Variants in SPDEF observed in about 807,000 individuals in gnomAD.
SPDEF encodes SAM pointed domain-containing Ets transcription factor.
A neutral mutation model predicts 36.0 loss-of-function variants in SPDEF; 12 were observed. The ratio of observed to expected loss-of-function variants is 0.33; its 90% CI spans 0.21 to 0.54. The LOEUF (loss-of-function observed/expected upper bound fraction) is 0.54, where lower values mean the gene tolerates loss of function less well. SPDEF is among the 20% of genes least tolerant of loss of function. The probability of loss-of-function intolerance (pLI) is 0.93; values close to 1 mark genes in which losing one functional copy is unlikely to be tolerated. For synonymous variants in SPDEF, 205 were observed against 193.0 expected (o/e 1.06, Z -0.51); for missense variants, 388 against 456.9 (o/e 0.85, Z 1.37).
rs61689841 is a variant in SPDEF, at chr6:34,538,221, G to C, written c.*53C>G. The C allele has an allele frequency of 9.1e-4, 1,429 of 1,564,496 alleles. 39 individuals are homozygous for C. The East Asian group carries it at 0.032, about 35-fold the overall frequency. On this transcript the variant is annotated 3_prime_UTR_variant, in exon 6 of 6. Coordinates refer to ENST00000374037, the MANE Select transcript of SPDEF (RefSeq NM_012391.3). This position sits in a 1 kb window ranked among gnomAD's most constrained non-coding sequence, Gnocchi z 5.9. ...CCATCTCAGGGCCTGGCTGAGGCAG[G>C]GCAGGCAGGAGAGAGGCCCCTGAGG...
At chr6:34,540,053 C>A (rs763632542) in intron 3 of SPDEF, among the ~76,000 whole-genome samples, 3 of 152,176 alleles carry the variant, frequency 2.0e-5, no homozygotes, top group Non-Finnish European at 4.4e-5. Context: ...GTAGTCCCAG[C>A]ACTTCAGGAG....
intron 1 of SPDEF, among the ~76,000 whole-genome samples, chr6:34,553,770 G>A (rs1006763823): frequency 6.6e-6 from 1 of 151,934 alleles, no homozygotes; most frequent in Non-Finnish European, 1.5e-5. Flanking sequence ...AGTGGAGTCT[G>A]GGGGGAGCTG....
chr6:34,549,985 A>C (rs3798547), intron 1 of SPDEF, among the ~76,000 whole-genome samples: 1 of 152,156 alleles, frequency 6.6e-6, no homozygotes, highest in South Asian at 2.1e-4. Flanking sequence ...TGTGGAGGTG[A>C]GGCCAGGTCT....
At position 34,555,120 on chromosome 6, in the gene SPDEF, C is replaced by G. The variant is rs3798541; in HGVS notation, c.-30+809G>C. Among the ~76,000 whole-genome samples the G allele has an allele frequency of 0.28, 42,083 of 151,234 alleles. 6,872 individuals are homozygous for G. Among genetic ancestry groups the G allele is most frequent in the African/African-American group, 0.45 (18,440 of 41,206 alleles). On this transcript the variant is annotated intron_variant, in intron 1 of 5. Coordinates refer to ENST00000374037, the MANE Select transcript of SPDEF (RefSeq NM_012391.3). The surrounding 1 kb of genome is among the most constrained non-coding windows in gnomAD (Gnocchi z 5.2). Reference sequence around the variant, plus strand: ...GCACACACCACACACACACATACTTCCGCGCACACACACGCACGCACACAC... The same window carrying G: ...GCACACACCACACACACACATACTTGCGCGCACACACACGCACGCACACAC...
chr6:34,548,698 C>T (rs1229552657), intron 1 of SPDEF, among the ~76,000 whole-genome samples: 1 of 152,208 alleles, frequency 6.6e-6, no homozygotes, highest in Non-Finnish European at 1.5e-5. Context: ...TTCATACCTG[C>T]CCCTGTGCTG....
At chr6:34,545,552 C>T (rs981353618) in intron 1 of SPDEF, among the ~76,000 whole-genome samples, 7 of 152,228 alleles carry the variant, frequency 4.6e-5, no homozygotes, top group African/African-American at 1.2e-4. Flanking sequence ...TGGAGAGGTG[C>T]GCAAGCACTG....
rs1339743821 is a variant in SPDEF at position 34,539,060 on chromosome 6, A to G, written c.829+190T>C. Among the ~76,000 whole-genome samples, 1 of 152,202 alleles carries G rather than the reference A, an allele frequency of 6.6e-6. No homozygotes were observed. The highest frequency in any genetic ancestry group is 1.9e-4 in the East Asian group (1 of 5,200). ...AGTGAGACAGAGTCTAGCAGGAGAC[A>G]GATGTGGACACAGATTGCACACAGA... On this transcript the variant is annotated intron_variant, in intron 5 of 5. Coordinates refer to ENST00000374037, the MANE Select transcript of SPDEF (RefSeq NM_012391.3). This position sits in a 1 kb window ranked among gnomAD's most constrained non-coding sequence, Gnocchi z 5.2.
At chr6:34,541,432 C>T (rs995250192) in intron 2 of SPDEF, among the ~76,000 whole-genome samples, 3 of 152,152 alleles carry the variant, frequency 2.0e-5, no homozygotes, top group Non-Finnish European at 4.4e-5. Flanking sequence ...CTGTACTGCC[C>T]GCCTCACCCA....
rs1038066640 is a variant in SPDEF at position 34,555,083 on chromosome 6, G to A, written c.-30+846C>T. Among the ~76,000 whole-genome samples the A allele has an allele frequency of 9.3e-5, 14 of 151,250 alleles. No homozygotes were observed. The highest frequency in any genetic ancestry group is 1.8e-4 in the Non-Finnish European group (12 of 67,768). On this transcript the variant is annotated intron_variant, in intron 1 of 5. Transcript: ENST00000374037. This position sits in a 1 kb window ranked among gnomAD's most constrained non-coding sequence, Gnocchi z 5.2. ...GCACACACACATGCACATGCAACAC[G>A]CACGCGCACATGCACACACCACACA...
At position 34,545,913 on chromosome 6, in the gene SPDEF, G is replaced by GA. The variant is rs757557666; in HGVS notation, c.-29-1430dup. Among the ~76,000 whole-genome samples, 889 of 144,526 alleles carry GA rather than the reference G, an allele frequency of 6.2e-3. 4 individuals carry two copies. Among genetic ancestry groups the GA allele is most frequent in the Middle Eastern group, 0.01 (3 of 286 alleles). 94.8% of individuals were successfully genotyped at this position (144,526 alleles called of 152,430 possible). On this transcript the variant is annotated intron_variant, in intron 1 of 5. Transcript: ENST00000374037. ...GGGTGAAAGAGCAAAACTCCGTCTC[G>GA]AAAAAAAAAACAAAACACACGCACA...
At chr6:34,551,934 C>A (rs1027507205) in intron 1 of SPDEF, among the ~76,000 whole-genome samples, 2 of 152,220 alleles carry the variant, frequency 1.3e-5, no homozygotes, top group Non-Finnish European at 2.9e-5. Flanking sequence ...TTCCGCTCAA[C>A]CTTCAGGGCT....
At position 34,539,261 on chromosome 6, in the gene SPDEF, T is replaced by C. The variant is rs751042906; in HGVS notation, c.818A>G (p.Asn273Ser). ...GGCACCCTGCTCACCCTTCTCCTTGTTGAGCCACCTAATGAAGCGGCCATA... is the reference window on the plus strand; with the variant it reads ...GGCACCCTGCTCACCCTTCTCCTTGCTGAGCCACCTAATGAAGCGGCCATA... ...HSYGRFIRWL[N>S]KEKGIFKIED... The change falls in exon 5 of 6, where the codon AAC becomes AGC. Residue 273 changes from asparagine (N) to serine (S), a missense_variant. Coordinates refer to ENST00000374037, the MANE Select transcript of SPDEF (RefSeq NM_012391.3). This position sits in a 1 kb window ranked among gnomAD's most constrained non-coding sequence, Gnocchi z 5.2. The C allele has an allele frequency of 2.5e-6, 4 of 1,613,706 alleles. No individual in the cohort carries two copies. The Admixed American group carries it at 6.7e-5, about 27-fold the overall frequency.
At position 34,539,293 on chromosome 6, in the gene SPDEF, G is replaced by A; in HGVS notation, c.786C>T (p.Pro262=). The stretch of plus-strand genomic sequence containing the variant: ...ACCTAATGAAGCGGCCATAGCTGTG[G>A]GGCTTGAGTAGCAACTCCTTGAGGA... ...WQFLKELLLK[P]HSYGRFIRWL... is the part of the protein sequence containing the mutation. The change falls in exon 5 of 6, where the codon CCC becomes CCT. Residue 262 remains proline, a synonymous_variant. Coordinates refer to ENST00000374037, the MANE Select transcript of SPDEF (RefSeq NM_012391.3). The surrounding 1 kb of genome is among the most constrained non-coding windows in gnomAD (Gnocchi z 5.2). 1.2e-6 allele frequency: 2 copies of A among 1,613,970 alleles called. No individual in the cohort carries two copies. The highest frequency in any genetic ancestry group is 1.7e-6 in the Non-Finnish European group (2 of 1,180,036).
In SPDEF at chr6:34,555,736, G is replaced by C. The variant is rs1768153225; in HGVS notation, c.-30+193C>G. Reference sequence around the variant, plus strand: ...CATGTAGAGTTGGCCCAGAGAGGCAGTCTGGGGAGCATGAGGAGGGGGCAA... The same window carrying C: ...CATGTAGAGTTGGCCCAGAGAGGCACTCTGGGGAGCATGAGGAGGGGGCAA... On this transcript the variant is annotated intron_variant, in intron 1 of 5. Transcript: ENST00000374037. This position sits in a 1 kb window ranked among gnomAD's most constrained non-coding sequence, Gnocchi z 5.2. 6.6e-6 allele frequency among the ~76,000 whole-genome samples: 1 copy of C among 152,200 alleles called. No individual in the cohort carries two copies. Among genetic ancestry groups the C allele is most frequent in the Admixed American group, 6.5e-5 (1 of 15,280 alleles).
In SPDEF at chr6:34,540,997, G is replaced by A. The variant is rs1321896239; in HGVS notation, c.621C>T (p.Asp207=). The A allele has an allele frequency of 5.0e-6, 8 of 1,610,796 alleles. No individual in the cohort carries two copies. Among genetic ancestry groups the A allele is most frequent in the Non-Finnish European group, 5.9e-6 (7 of 1,179,416 alleles). The part of the protein sequence containing the change: ...LGGDVLHAHL[D]IWKSAAWMKE... ...GCCACATCCTACCTGACTTCCAGAT[G>A]TCCAGGTGGGCGTGCAGCACATCCC... Residue 207 remains aspartate, a synonymous_variant, in exon 3 of 6, where the codon GAC becomes GAT. Coordinates refer to ENST00000374037, the MANE Select transcript of SPDEF (RefSeq NM_012391.3).
At chr6:34,550,439 A>G (rs917491264) in intron 1 of SPDEF, among the ~76,000 whole-genome samples, 7 of 152,246 alleles carry the variant, frequency 4.6e-5, no homozygotes, top group Non-Finnish European at 2.9e-5. Context: ...CCCTCTCTCA[A>G]GCACCCCATT....
intron 1 of SPDEF, among the ~76,000 whole-genome samples, chr6:34,550,501 A>C (rs1038946141): frequency 6.6e-6 from 1 of 152,184 alleles, no homozygotes; most frequent in African/African-American, 2.4e-5. Context: ...GCAGAAGAAG[A>C]GAGCAGGGAG....
chr6:34,539,199 A>C lies in SPDEF; in HGVS notation c.829+51T>G. 1 of 1,600,986 alleles carries C rather than the reference A, an allele frequency of 6.2e-7. No homozygotes were observed. Among genetic ancestry groups the C allele is most frequent in the Non-Finnish European group, 8.5e-7 (1 of 1,172,844 alleles). ...TGCACCGTGCCTGGCAGAAGCCCCCACAACCTCCATGCTCACTGGCCCTGC... is the reference window on the plus strand; with the variant it reads ...TGCACCGTGCCTGGCAGAAGCCCCCCCAACCTCCATGCTCACTGGCCCTGC... On this transcript the variant is annotated intron_variant, in intron 5 of 5. Transcript: ENST00000374037. This position sits in a 1 kb window ranked among gnomAD's most constrained non-coding sequence, Gnocchi z 5.2.
rs1385596545 is a variant in SPDEF, at chr6:34,538,340, C to G, written c.942G>C (p.Lys314Asn). ...KLSRSIRQYY[K>N]KGIIRKPDIS... ...TGTCTGGCTTCCGGATGATGCCCTT[C>G]TTGTAATACTGGCGGATGGAGCGGC... The change falls in exon 6 of 6, where the codon AAG becomes AAC. Residue 314 changes from lysine (K) to asparagine (N), a missense_variant. Transcript: ENST00000374037. The surrounding 1 kb of genome is among the most constrained non-coding windows in gnomAD (Gnocchi z 5.9). 1 of 1,614,170 alleles carries G rather than the reference C, an allele frequency of 6.2e-7. No individual in the cohort carries two copies. Among genetic ancestry groups the G allele is most frequent in the East Asian group, 2.2e-5 (1 of 44,886 alleles).
Sources: gnomAD v4.1 joint callset for allele counts (sites outside exome capture counted in the v4.1 genomes callset) on GRCh38, gnomAD v4.1.1 for gene constraint, Gnocchi (gnomAD v3.1) non-coding constraint, MANE v1.5 for transcripts, NCBI Gene and HGNC (gene_info 2026-07-23, HGNC 2026-07-21) for gene names.